RIMS2: variants seen among roughly 807,000 people sequenced by gnomAD.
The protein encoded by RIMS2 is regulating synaptic membrane exocytosis protein 2.
RIMS2 carries 59 observed loss-of-function variants against 174.4 expected under a neutral mutation model. The observed-to-expected ratio is 0.34, with a 90% CI of 0.27 to 0.42. The LOEUF (loss-of-function observed/expected upper bound fraction) is 0.42, where lower values mean the gene tolerates loss of function less well. Among genes scored for constraint, RIMS2 ranks in the 10% least tolerant of loss-of-function variants. The pLI, the probability that RIMS2 is intolerant of heterozygous loss-of-function variation, is 1.00. For synonymous variants in RIMS2, 606 were observed against 572.5 expected (o/e 1.06, Z -0.84); for missense variants, 1,620 against 1,666.3 (o/e 0.97, Z 0.48).
chr8:103,980,551 A>G (rs2093811050), intron 16 of RIMS2, among the ~76,000 whole-genome samples: 2 of 151,778 alleles, frequency 1.3e-5, no homozygotes, highest in African/African-American at 2.4e-5. Context: ...AACAGAGAGA[A>G]AACTAAGGTG....
At chr8:104,164,822 G>A (rs975811801) in intron 19 of RIMS2, among the ~76,000 whole-genome samples, 1 of 152,046 alleles carries the variant, frequency 6.6e-6, no homozygotes, top group South Asian at 2.1e-4. Flanking sequence ...TTGGGAGGTG[G>A]GAGAGAAGCA....
chr8:103,803,112 C>T (rs2098625723), intron 3 of RIMS2, among the ~76,000 whole-genome samples: 2 of 152,016 alleles, frequency 1.3e-5, no homozygotes, highest in South Asian at 2.1e-4. Context: ...CCTATTTTAT[C>T]TACTAAGGAC....
In RIMS2 at chr8:103,856,406, C is replaced by T. The variant is rs566072063; in HGVS notation, c.699-28892C>T. 5.9e-5 allele frequency among the ~76,000 whole-genome samples: 9 copies of T among 152,312 alleles called. No individual in the cohort carries two copies. The East Asian group carries it at 1.3e-3, about 23-fold the overall frequency. On this transcript the variant is annotated intron_variant, in intron 3 of 23. Transcript: ENST00000504942. ...TTATGTACAAGTTTTAACTTACTAA[C>T]GTGTCACAGAGAATACAAAACTTCT...
At chr8:103,979,666 A>T (rs1267687339) in intron 16 of RIMS2, among the ~76,000 whole-genome samples, 1 of 152,196 alleles carries the variant, frequency 6.6e-6, no homozygotes, top group Non-Finnish European at 1.5e-5. Context: ...ACTTCATATG[A>T]TTGGAAGTGA....
chr8:104,044,929 G>A (rs925445587), intron 19 of RIMS2, among the ~76,000 whole-genome samples: 4 of 151,834 alleles, frequency 2.6e-5, no homozygotes, highest in South Asian at 2.1e-4. Context: ...CAGAGAAAAA[G>A]GAAATTATTT....
At chr8:103,769,599 T>C (rs2098225645) in intron 3 of RIMS2, among the ~76,000 whole-genome samples, 1 of 152,218 alleles carries the variant, frequency 6.6e-6, no homozygotes. Context: ...GTGTTGGGAT[T>C]ACAGGCGTGA....
At chr8:104,071,170 T>C (rs1409008841) in intron 19 of RIMS2, among the ~76,000 whole-genome samples, 2 of 152,252 alleles carry the variant, frequency 1.3e-5, no homozygotes, top group Non-Finnish European at 2.9e-5. Context: ...CTGGGATTTC[T>C]TTTCTAATTT....
chr8:103,743,014 G>T (rs1256787176), intron 2 of RIMS2, among the ~76,000 whole-genome samples: 2 of 152,126 alleles, frequency 1.3e-5, no homozygotes, highest in Admixed American at 6.5e-5. Context: ...TAGCAATTAA[G>T]ATATTTTTAT....
At chr8:104,073,191 A>T (rs1282183181) in intron 19 of RIMS2, among the ~76,000 whole-genome samples, 3 of 152,204 alleles carry the variant, frequency 2.0e-5, no homozygotes, top group African/African-American at 7.2e-5. Flanking sequence ...ATAAATTGGC[A>T]TAATTATCAA....
chr8:103,935,231 T>C (rs989056314), intron 12 of RIMS2, among the ~76,000 whole-genome samples: 3 of 152,204 alleles, frequency 2.0e-5, no homozygotes, highest in African/African-American at 7.2e-5. Context: ...ATCACTTCTT[T>C]CCATGTATAG....
At chr8:104,135,020 T>G (rs1006060252) in intron 19 of RIMS2, among the ~76,000 whole-genome samples, 1 of 152,194 alleles carries the variant, frequency 6.6e-6, no homozygotes, top group African/African-American at 2.4e-5. Flanking sequence ...AAAAAAAATT[T>G]GAAATTCATG....
At chr8:104,056,138 C>T (rs2096864623) in intron 19 of RIMS2, among the ~76,000 whole-genome samples, 1 of 152,146 alleles carries the variant, frequency 6.6e-6, no homozygotes, top group Non-Finnish European at 1.5e-5. Flanking sequence ...GGCGTGGTGG[C>T]TCATTCCTAT....
intron 14 of RIMS2, among the ~76,000 whole-genome samples, chr8:103,951,804 G>T (rs559081779): frequency 2.0e-5 from 3 of 152,228 alleles, no homozygotes; most frequent in Non-Finnish European, 2.9e-5. Flanking sequence ...AAGTGGTCTG[G>T]CTCAGCGGAT....
intron 12 of RIMS2, 110 bp downstream of exon 14, chr8:103,931,503 T>G (rs1489545151): frequency 8.6e-6 from 6 of 697,148 alleles, no homozygotes; most frequent in Non-Finnish European, 1.3e-5. Context: ...GTGAGATATG[T>G]GAAGTTTAAC....
chr8:103,568,044 G>T (rs186544386), intron 1 of RIMS2, among the ~76,000 whole-genome samples: 1 of 152,214 alleles, frequency 6.6e-6, no homozygotes, highest in Non-Finnish European at 1.5e-5. Flanking sequence ...GAGGTGGGAG[G>T]ATTGCTTGAG....
intron 19 of RIMS2, among the ~76,000 whole-genome samples, chr8:104,200,583 C>G (rs1326541572): frequency 6.6e-6 from 1 of 152,070 alleles, no homozygotes; most frequent in Non-Finnish European, 1.5e-5. Flanking sequence ...TGAGTTGGTG[C>G]CAGGGTCAAC....
chr8:104,153,227 G>C (rs2098701056), intron 19 of RIMS2, among the ~76,000 whole-genome samples: 1 of 152,090 alleles, frequency 6.6e-6, no homozygotes, highest in South Asian at 2.1e-4. Context: ...AATTGAGTAT[G>C]ACTTGATAGG....
intron 1 of RIMS2, among the ~76,000 whole-genome samples, chr8:103,573,868 C>T (rs1228064373): frequency 1.3e-5 from 2 of 152,038 alleles, no homozygotes; most frequent in Non-Finnish European, 2.9e-5. Flanking sequence ...TTGTTTGTGT[C>T]CTCTGTGATT....
intron 1 of RIMS2, among the ~76,000 whole-genome samples, chr8:103,578,566 C>A (rs564041408): frequency 6.6e-6 from 1 of 152,038 alleles, no homozygotes; most frequent in Non-Finnish European, 1.5e-5. Flanking sequence ...ACAACAACAA[C>A]AACAACAAAA....
Sources: allele counts gnomAD v4.1 joint callset (sites outside exome capture counted in the v4.1 genomes callset), GRCh38; gene constraint gnomAD v4.1.1; transcripts MANE v1.5; gene names NCBI Gene and HGNC (gene_info 2026-07-23, HGNC 2026-07-21).